Variants in RYR1 observed in about 807,000 individuals in gnomAD.
RYR1 encodes central core disease of muscle.
Under a neutral mutation model 583.5 loss-of-function variants are expected in RYR1, and 342 were observed. The ratio of observed to expected loss-of-function variants is 0.59; its 90% confidence interval spans 0.54 to 0.64. The LOEUF (loss-of-function observed/expected upper bound fraction) is 0.64. Ranked by LOEUF, RYR1 falls within the 30% of genes least tolerant of loss-of-function variation. RYR1 has a pLI of 0.00. For synonymous variants in RYR1, 2,791 were observed against 2,822.5 expected (o/e 0.99, Z 0.35); for missense variants, 6,032 against 6,917.2 (o/e 0.87, Z 4.54).
intron 93 of RYR1, among the ~76,000 whole-genome samples, chr19:38,570,065 G>A (rs1973643329): frequency 6.6e-6 from 1 of 152,184 alleles, no homozygotes; most frequent in Non-Finnish European, 1.5e-5. Context: ...TTAGGAGGCT[G>A]AGTCATGAGA....
At chr19:38,435,217 CAAGGCCCG>C (rs1972374008) in intron 1 of RYR1, among the ~76,000 whole-genome samples, 1 of 152,174 alleles carries the variant, frequency 6.6e-6, no homozygotes, top group Non-Finnish European at 1.5e-5. Flanking sequence ...TGAGGGAAAC[CAAGGCCCG>C]AATGGTAGAA....
chr19:38,547,133 AG>A (rs1477726807), intron 88 of RYR1, among the ~76,000 whole-genome samples: 1 of 147,718 alleles, frequency 6.8e-6, no homozygotes, highest in African/African-American at 2.5e-5. Context: ...TCCGCCTCCC[AG>A]GTTCACGCCA....
At chr19:38,507,609 G>A (rs1348023850) in intron 57 of RYR1, 103 bp from the exon 58 acceptor site, 2 of 802,082 alleles carry the variant, frequency 2.5e-6, no homozygotes, top group Non-Finnish European at 4.4e-6. Flanking sequence ...TGAAGCCAAA[G>A]CTGATAGAGA....
rs750787145 is a variant in RYR1, at chr19:38,466,278, C to G, written c.3058C>G (p.Leu1020Val). 1 of 1,612,798 alleles carries G rather than the reference C, an allele frequency of 6.2e-7. No homozygotes were observed. Among genetic ancestry groups the G allele is most frequent in the South Asian group, 1.1e-5 (1 of 90,996 alleles). Residue 1020 changes from leucine to valine, a missense_variant, in exon 24 of 106, where the codon CTG (leucine) becomes GTG (valine). Physicochemically the swap from Leu to Val is conservative, Grantham distance 32. Around this residue, in one of 11 missense-constraint regions of RYR1, gnomAD observed 2,627 missense variants for 2,961.3 expected, o/e 0.89. Transcript: ENST00000359596. The stretch of plus-strand genomic sequence containing the variant: ...CATCCCAGCGCGCCGAAACCCTCGG[C>G]TGGTGCCCTACCGCCTGCTGGATGA... ...QDIPARRNPR[L>V]VPYRLLDEAT...
In RYR1 at chr19:38,460,520, C is replaced by T. The variant is rs1967676244; in HGVS notation, c.2506C>T (p.Pro836Ser). ...GTATCGACGGGAGGGGCCCCGGGGG[C>T]CTCACCTGGTGGGCCCCAGTCGCTG... ...KEYRREGPRG[P>S]HLVGPSRCLS... The change falls in exon 20 of 106, where the codon CCT becomes TCT. Residue 836 changes from proline (P) to serine (S), a missense_variant. This residue lies in a region of RYR1 where 2,627 missense variants were observed against 2,961.3 expected (regional missense o/e 0.89). Transcript: ENST00000359596. 1 of 1,614,140 alleles carries T rather than the reference C, an allele frequency of 6.2e-7. No individual in the cohort carries two copies. The highest frequency in any genetic ancestry group is 8.5e-7 in the Non-Finnish European group (1 of 1,180,040).
intron 89 of RYR1, 146 bp from the exon 90 acceptor site, chr19:38,560,967 A>T: frequency 1.4e-6 from 1 of 693,912 alleles, no homozygotes; most frequent in South Asian, 1.8e-5. Context: ...ACGAGAGGGG[A>T]TGTCTTGAGG....
Position 38,489,293 on chromosome 19 carries a change from T to C in RYR1, c.5664T>C (p.Asp1888=). 2 of 1,601,590 alleles carry C rather than the reference T, an allele frequency of 1.2e-6. No homozygotes were observed. The highest frequency in any genetic ancestry group is 2.2e-5 in the South Asian group (2 of 90,732). The change falls in exon 35 of 106, where the codon GAT becomes GAC. Residue 1888 remains aspartate, a synonymous_variant. Coordinates refer to ENST00000359596, the MANE Select transcript of RYR1 (RefSeq NM_000540.3). ...AGGAGGAAGAGGGTGAAGAGGAAGA[T>C]GAGGAGGAGAAGGAGGAGGATGAGG... The part of the protein sequence containing the change: ...EDEEEEGEEE[D]EEEKEEDEEE...
chr19:38,509,444 A>AT (rs1555786558), intron 58 of RYR1, among the ~76,000 whole-genome samples: 9 of 126,854 alleles, frequency 7.1e-5, no homozygotes, highest in Non-Finnish European at 9.8e-5. Context: ...TATTATTATT[A>AT]TTATTATTTT....
intron 34 of RYR1, among the ~76,000 whole-genome samples, chr19:38,488,959 C>A (rs1198014991): frequency 3.9e-5 from 6 of 152,136 alleles, no homozygotes; most frequent in Admixed American, 3.9e-4. Context: ...GGTCTGTGGT[C>A]TGGGCTGTGT....
chr19:38,539,149 T>C lies in RYR1; in HGVS notation c.11689+1189T>C, dbSNP rs530147455. On this transcript the variant is annotated intron_variant, in intron 84 of 105. Transcript: ENST00000359596. ...TCAACAAAGGATAAAGTATGATCTC[T>C]TTGTCTTGAATTTTCAAAAGCTCTT... 5.9e-5 allele frequency among the ~76,000 whole-genome samples: 9 copies of C among 152,312 alleles called. No homozygotes were observed. The East Asian group carries it at 1.7e-3, about 29-fold the overall frequency.
In RYR1 at chr19:38,485,762, C is replaced by T. The variant is rs1334710181; in HGVS notation, c.5107C>T (p.Pro1703Ser). Residue 1703 changes from proline to serine, a missense_variant, in exon 34 of 106, where the codon CCA (proline) becomes TCA (serine). By Grantham distance (74) the Pro-to-Ser change is moderately conservative. Coordinates refer to ENST00000359596, the MANE Select transcript of RYR1 (RefSeq NM_000540.3). ...LLHALEDAHLPGPLRAGYYDL... is the reference protein window; with the variant it reads ...LLHALEDAHLSGPLRAGYYDL... ...GCACGCCCTGGAGGACGCGCACCTG[C>T]CAGGCCCACTGCGCGCAGGCTACTA... 31 of 1,613,038 alleles carry T rather than the reference C, an allele frequency of 1.9e-5. No individual in the cohort carries two copies. The highest frequency in any genetic ancestry group is 2.3e-5 in the Non-Finnish European group (27 of 1,179,970).
chr19:38,437,677 G>A (rs78474007), intron 1 of RYR1, among the ~76,000 whole-genome samples: 74 of 152,136 alleles, frequency 4.9e-4, no homozygotes, highest in African/African-American at 1.7e-3. Flanking sequence ...TTAGCTGGGC[G>A]TGGCAGTGTG....
At chr19:38,475,226 TG>T in intron 28 of RYR1, 91 bp from the exon 29 acceptor site, 1 of 1,510,076 alleles carries the variant, frequency 6.6e-7, no homozygotes, top group Non-Finnish European at 9.0e-7. Context: ...AGAAGCAGGG[TG>T]TATCCAAGCT....
chr19:38,569,371 C>T (rs1182114569), intron 93 of RYR1, among the ~76,000 whole-genome samples: 1 of 151,742 alleles, frequency 6.6e-6, no homozygotes, highest in East Asian at 1.9e-4. Flanking sequence ...ACCCTCTAGG[C>T]AGTGCACCCA....
At chr19:38,513,769 C>T (rs1291752922) in intron 63 of RYR1, among the ~76,000 whole-genome samples, 5 of 152,008 alleles carry the variant, frequency 3.3e-5, no homozygotes, top group African/African-American at 1.2e-4. Context: ...AACAATTTGC[C>T]CTGTGTGCCT....
At chr19:38,467,879 C>A in intron 25 of RYR1, 67 bp downstream of exon 25, 2 of 1,508,244 alleles carry the variant, frequency 1.3e-6, no homozygotes, top group Non-Finnish European at 1.8e-6. Context: ...TCTACTCTGG[C>A]CCTGCCTCTG....
intron 75 of RYR1, 81 bp downstream of exon 75, chr19:38,528,776 G>A: frequency 6.7e-7 from 1 of 1,498,266 alleles, no homozygotes; most frequent in Non-Finnish European, 9.3e-7. Flanking sequence ...CACCTCCAGG[G>A]GTCGGCCCTC....
chr19:38,456,308 C>T (rs1238867687), intron 16 of RYR1, among the ~76,000 whole-genome samples: 1 of 132,650 alleles, frequency 7.5e-6, no homozygotes, highest in Non-Finnish European at 1.6e-5. Flanking sequence ...CAGAGTCTCG[C>T]TCTGTCACCC....
chr19:38,553,900 C>T (rs997265484), intron 89 of RYR1, among the ~76,000 whole-genome samples: 7 of 152,130 alleles, frequency 4.6e-5, no homozygotes, highest in East Asian at 1.9e-4. Flanking sequence ...TAGGAAGTGT[C>T]GTCATTCTTT....
Sources: allele counts gnomAD v4.1 joint callset (sites outside exome capture counted in the v4.1 genomes callset), GRCh38; gene constraint gnomAD v4.1.1; regional missense constraint gnomAD v4.1.1; transcripts MANE v1.5; gene names NCBI Gene and HGNC (gene_info 2026-07-23, HGNC 2026-07-21).